ZNF804B: variants seen among roughly 807,000 people sequenced by gnomAD.
ZNF804B encodes zinc finger 804B.
Under a neutral mutation model 101.4 loss-of-function variants are expected in ZNF804B, and 80 were observed. The observed-to-expected ratio is 0.79, with a 90% CI of 0.66 to 0.95. ZNF804B has a LOEUF of 0.95. Ranked by LOEUF, ZNF804B falls within the 40% of genes least tolerant of loss-of-function variation. The pLI, the probability that ZNF804B is intolerant of heterozygous loss-of-function variation, is 0.00. For missense variants in ZNF804B, 1,673 were observed against 1,561.9 expected, an observed-to-expected ratio of 1.07 and a Z score of -1.20; for synonymous variants, 622 against 558.8, an observed-to-expected ratio of 1.11 and a Z score of -1.59.
chr7:88,887,250 CTGTT>C (rs1193642619), intron 1 of ZNF804B, among the ~76,000 whole-genome samples: 3 of 152,152 alleles, frequency 2.0e-5, no homozygotes, highest in African/African-American at 4.8e-5. Context: ...TGAGAAGTGT[CTGTT>C]TAAGTCCTCT....
intron 1 of ZNF804B, among the ~76,000 whole-genome samples, chr7:88,769,271 G>C (rs1790028768): frequency 6.6e-6 from 1 of 152,138 alleles, no homozygotes; most frequent in Non-Finnish European, 1.5e-5. Flanking sequence ...TTTCCATAGA[G>C]AATTTTTTCC....
intron 2 of ZNF804B, among the ~76,000 whole-genome samples, chr7:89,295,937 G>C (rs1195426480): frequency 6.6e-6 from 1 of 152,104 alleles, no homozygotes; most frequent in Non-Finnish European, 1.5e-5. Flanking sequence ...TTATAAGTGG[G>C]AGCTAAGCTT....
In ZNF804B at chr7:88,863,608, G is replaced by A. The variant is rs572037495; in HGVS notation, c.108+103524G>A. Reference sequence around the variant, plus strand: ...AAACTGAATTTCACACATAGTTTCTGTAGATGAAATAAAACAAGGTGATTT... The same window carrying A: ...AAACTGAATTTCACACATAGTTTCTATAGATGAAATAAAACAAGGTGATTT... On this transcript the variant is annotated intron_variant, in intron 1 of 3. Transcript: ENST00000333190. 2.6e-5 allele frequency among the ~76,000 whole-genome samples: 4 copies of A among 152,282 alleles called. No individual in the cohort carries two copies. In the South Asian group the frequency reaches 8.3e-4, roughly 32 times the overall value.
At chr7:88,972,116 C>T (rs1006517580) in intron 1 of ZNF804B, among the ~76,000 whole-genome samples, 4 of 151,428 alleles carry the variant, frequency 2.6e-5, no homozygotes, top group African/African-American at 9.7e-5. Flanking sequence ...ATTACATGTC[C>T]AGCACTTTGC....
chr7:88,839,680 GAATCATATAAAGTGA>G (rs201366707), intron 1 of ZNF804B, among the ~76,000 whole-genome samples: 3,934 of 151,838 alleles, frequency 0.026, 132 homozygotes, highest in African/African-American at 0.073. Context: ...ACAGTCTTTG[GAATCATATAAAGTGA>G]AGATTGAATC....
chr7:89,204,976 C>T lies in ZNF804B; in HGVS notation c.109-13179C>T, dbSNP rs538812355. Among the ~76,000 whole-genome samples, 11 of 152,184 alleles carry T rather than the reference C, an allele frequency of 7.2e-5. No homozygotes were observed. In the South Asian group the frequency reaches 2.3e-3, roughly 32 times the overall value. ...CTGGATGATTTATAAAGGAAAGAGGCTTAATTGACTCACAGGTCCACATGG... is the reference window on the plus strand; with the variant it reads ...CTGGATGATTTATAAAGGAAAGAGGTTTAATTGACTCACAGGTCCACATGG... On this transcript the variant is annotated intron_variant, in intron 1 of 3. Transcript: ENST00000333190.
intron 1 of ZNF804B, among the ~76,000 whole-genome samples, chr7:89,107,877 C>T (rs925310644): frequency 2.0e-5 from 3 of 152,048 alleles, no homozygotes; most frequent in Non-Finnish European, 2.9e-5. Flanking sequence ...GGGTTCTATG[C>T]AGGCTGGGGA....
At chr7:89,051,395 C>T (rs1418121079) in intron 1 of ZNF804B, among the ~76,000 whole-genome samples, 1 of 152,042 alleles carries the variant, frequency 6.6e-6, no homozygotes, top group Non-Finnish European at 1.5e-5. Flanking sequence ...GAATTTCAAC[C>T]ATTAATACGG....
chr7:88,962,217 T>G (rs1324328292), intron 1 of ZNF804B, among the ~76,000 whole-genome samples: 2 of 151,328 alleles, frequency 1.3e-5, no homozygotes, highest in Non-Finnish European at 3.0e-5. Context: ...TTGTAGAATT[T>G]GTATAGAACG....
chr7:89,210,145 C>CA (rs35071660), intron 1 of ZNF804B, among the ~76,000 whole-genome samples: 38,254 of 128,780 alleles, frequency 0.3, 5,065 homozygotes, highest in Non-Finnish European at 0.3. Flanking sequence ...GACTTCATAT[C>CA]AAAAAAAAAA....
At chr7:88,793,201 T>C (rs1260932697) in intron 1 of ZNF804B, among the ~76,000 whole-genome samples, 1 of 152,122 alleles carries the variant, frequency 6.6e-6, no homozygotes, top group Non-Finnish European at 1.5e-5. Context: ...GCTAAAAACT[T>C]TTAAACAATG....
chr7:88,777,353 C>T (rs1480316262), intron 1 of ZNF804B, among the ~76,000 whole-genome samples: 1 of 152,180 alleles, frequency 6.6e-6, no homozygotes. Flanking sequence ...TCCTAACTTC[C>T]ACTCTCCCAC....
chr7:89,244,867 A>G (rs965379315), intron 2 of ZNF804B, among the ~76,000 whole-genome samples: 2 of 152,198 alleles, frequency 1.3e-5, no homozygotes, highest in African/African-American at 4.8e-5. Context: ...TTCTCAGCAG[A>G]GTTTTAGTAT....
chr7:89,228,114 T>C (rs1219154205), intron 2 of ZNF804B, among the ~76,000 whole-genome samples: 1 of 152,052 alleles, frequency 6.6e-6, no homozygotes, highest in Non-Finnish European at 1.5e-5. Context: ...GTTTGTTCCT[T>C]CTGATGTTCG....
At chr7:88,958,664 A>G (rs1013340173) in intron 1 of ZNF804B, among the ~76,000 whole-genome samples, 1 of 151,486 alleles carries the variant, frequency 6.6e-6, no homozygotes, top group Non-Finnish European at 1.5e-5. Flanking sequence ...GGTGTCACAC[A>G]GTTTGGCCTT....
At chr7:88,891,807 G>A (rs1792219244) in intron 1 of ZNF804B, among the ~76,000 whole-genome samples, 1 of 151,660 alleles carries the variant, frequency 6.6e-6, no homozygotes, top group South Asian at 2.1e-4. Flanking sequence ...TGTTACATAT[G>A]TATACATGTG....
Position 88,948,515 on chromosome 7 carries a change from A to G in ZNF804B, c.108+188431A>G, listed in dbSNP as rs927154875. Among the ~76,000 whole-genome samples, 4 of 151,746 alleles carry G rather than the reference A, an allele frequency of 2.6e-5. No individual in the cohort carries two copies. The East Asian group carries it at 7.8e-4, about 30-fold the overall frequency. On this transcript the variant is annotated intron_variant, in intron 1 of 3. Coordinates refer to ENST00000333190, the MANE Select transcript of ZNF804B (RefSeq NM_181646.5). ...TTTAATGCCAGTATAAGAAGAGGAG[A>G]AGAATCCCCCAAACTCTGAGAATAG...
chr7:88,794,052 A>T, intron 1 of ZNF804B: 1 of 663,790 alleles, frequency 1.5e-6, no homozygotes, highest in Non-Finnish European at 2.4e-6. Context: ...TATAAAGATT[A>T]ATATATTACC....
At chr7:89,059,304 T>C (rs1404397161) in intron 1 of ZNF804B, among the ~76,000 whole-genome samples, 2 of 152,182 alleles carry the variant, frequency 1.3e-5, no homozygotes, top group African/African-American at 4.8e-5. Context: ...AGAAAAGAGA[T>C]TTAATTGGCT....
Sources: gnomAD v4.1 joint callset for allele counts (sites outside exome capture counted in the v4.1 genomes callset) on GRCh38, gnomAD v4.1.1 for gene constraint, MANE v1.5 for transcripts, NCBI Gene and HGNC (gene_info 2026-07-23, HGNC 2026-07-21) for gene names.